PNKP: variants seen among roughly 807,000 people sequenced by gnomAD.
PNKP encodes bifunctional polynucleotide phosphatase/kinase.
Under a neutral mutation model 66.2 loss-of-function variants are expected in PNKP, and 82 were observed. The observed-to-expected ratio is 1.24, with a 90% CI of 1.04 to 1.49. The LOEUF is 1.49. Among genes scored for constraint, PNKP ranks in the 40% most tolerant of loss-of-function variants. The pLI, the probability that PNKP is intolerant of heterozygous loss-of-function variation, is 0.00. For synonymous variants in PNKP, 412 were observed against 298.9 expected (o/e 1.38, Z -3.90); for missense variants, 907 against 706.8 (o/e 1.28, Z -3.21).
chr19:49,861,822 C>A lies in PNKP; in HGVS notation c.1248G>T (p.Gly416=), dbSNP rs2074769458. The part of the protein sequence containing the change: ...VTTCETALKQ[G]KRVAIDNTNP... ...TTGTGTTGTCGATGGCGACCCGTTT[C>A]CCTTGCTTCAGGGCTGTCTCACACG... Residue 416 remains glycine, a synonymous_variant, in exon 14 of 17, where the codon GGG becomes GGT. Transcript: ENST00000322344. 2.5e-6 allele frequency: 4 copies of A among 1,588,676 alleles called. No homozygotes were observed. Among genetic ancestry groups the A allele is most frequent in the Non-Finnish European group, 3.4e-6 (4 of 1,170,208 alleles).
At position 49,865,259 on chromosome 19, in the gene PNKP, G is replaced by T; in HGVS notation, c.366C>A (p.Thr122=). ...TCTTCTCATCTTGGGACACCAGAGG[G>T]GTGCCAGGCGGAGTATCTGGCTGGG... is the stretch of plus-strand genomic sequence containing the variant. ...PESQPDTPPG[T]PLVSQDEKRD... Residue 122 remains threonine (T), a synonymous_variant, in exon 4 of 17, where the codon ACC becomes ACA. Transcript: ENST00000322344. 6.2e-7 allele frequency: 1 copy of T among 1,614,148 alleles called. No individual in the cohort carries two copies. Among genetic ancestry groups the T allele is most frequent in the Non-Finnish European group, 8.5e-7 (1 of 1,179,980 alleles).
At chr19:49,866,182 A>T in intron 3 of PNKP, 1 of 586,394 alleles carries the variant, frequency 1.7e-6, no homozygotes, top group African/African-American at 2.0e-5. Flanking sequence ...CTAATTTTTT[A>T]GAGAGACAGG....
chr19:49,867,492 G>A lies in PNKP; in HGVS notation c.-37C>T, dbSNP rs569096279. 6.2e-6 allele frequency: 3 copies of A among 485,342 alleles called. 1 individual carries two copies. The highest frequency in any genetic ancestry group is 3.6e-5 in the Admixed American group (1 of 28,136). The allele number at this position is 485,342 out of a possible 1,614,324, so 30.1% of individuals were successfully genotyped here. A position where few individuals can be genotyped will look rare whatever the true frequency, so the allele number is the denominator to read the frequency against. Reference sequence around the variant, plus strand: ...ACCCGGGACCGCGGCTTGGGCTCACGGCCACTTCCGACCAGGGAGGTCCTG... The same window carrying A: ...ACCCGGGACCGCGGCTTGGGCTCACAGCCACTTCCGACCAGGGAGGTCCTG... On this transcript the variant is annotated 5_prime_UTR_variant, in exon 1 of 17. Coordinates refer to ENST00000322344, the MANE Select transcript of PNKP (RefSeq NM_007254.4).
rs778733848 is a variant in PNKP at position 49,862,210 on chromosome 19, C to A, written c.1101G>T (p.Val367=). The A allele has an allele frequency of 6.2e-7, 1 of 1,613,520 alleles. No individual in the cohort carries two copies. The highest frequency in any genetic ancestry group is 8.5e-7 in the Non-Finnish European group (1 of 1,179,744). Residue 367 remains valine, a synonymous_variant, in exon 12 of 17, where the codon GTG becomes GTT. Transcript: ENST00000322344. ...CCCCAGGGAATCCCACTGCGACAAC[C>A]ACCTCCGGGCTGGCGCTCAGGAGGG... ...SRALLSASPE[V]VVAVGFPGAG...
At chr19:49,867,302 G>T in intron 1 of PNKP, 85 bp from the exon 2 acceptor site, 1 of 1,385,794 alleles carries the variant, frequency 7.2e-7, no homozygotes, top group Non-Finnish European at 9.8e-7. Context: ...CCACTAGAAA[G>T]TTTCCCCACC....
At chr19:49,863,295 G>A (rs1239005615) in intron 8 of PNKP, among the ~76,000 whole-genome samples, 6 of 152,104 alleles carry the variant, frequency 3.9e-5, no homozygotes, top group Admixed American at 6.5e-5. Context: ...TGCCCACCAC[G>A]GGTGATGCCT....
intron 3 of PNKP, 152 bp from the exon 4 acceptor site, chr19:49,865,578 C>A: frequency 5.4e-6 from 3 of 559,698 alleles, no homozygotes; most frequent in East Asian, 6.3e-5. Flanking sequence ...GGAACGGTTA[C>A]AGGTTTTCAG....
At position 49,861,765 on chromosome 19, in the gene PNKP, A is replaced by ACGCTACCTGG; in HGVS notation, c.1295_1298+6dup. The ACGCTACCTGG allele has an allele frequency of 6.4e-7, 1 of 1,566,764 alleles. No homozygotes were observed. Among genetic ancestry groups the ACGCTACCTGG allele is most frequent in the Non-Finnish European group, 8.6e-7 (1 of 1,156,518 alleles). Reference sequence around the variant, plus strand: ...GCAGGCCACCTACGGCCCCGCGGTCACGCTACCTGGCGCGGCTCGCGGCGT... The same window carrying ACGCTACCTGG: ...GCAGGCCACCTACGGCCCCGCGGTCACGCTACCTGGCGCTACCTGGCGCGGCTCGCGGCGT... On this transcript the variant is annotated splice_region_variant and intron_variant, in intron 14 of 16. Transcript: ENST00000322344.
intron 3 of PNKP, 195 bp from the exon 4 acceptor site, chr19:49,865,621 T>G: frequency 5.1e-6 from 2 of 394,660 alleles, no homozygotes; most frequent in African/African-American, 2.8e-5. Context: ...TTTTTTTTTT[T>G]TTTTCCCCTG....
intron 4 of PNKP, 23 bp downstream of exon 4, chr19:49,865,104 T>C (rs1290649): frequency 6.2e-7 from 1 of 1,607,010 alleles, no homozygotes. Flanking sequence ...GGCGGCTCCC[T>C]CAGCCCTCGG....
chr19:49,861,672 G>C lies in PNKP; in HGVS notation c.1322C>G (p.Ala441Gly), dbSNP rs549000007. The C allele has an allele frequency of 5.4e-4, 839 of 1,547,574 alleles. 12 individuals carry two copies. The South Asian group carries it at 9.3e-3, about 17-fold the overall frequency. The change falls in exon 15 of 17, where the codon GCG becomes GGG. Residue 441 changes from alanine to glycine, a missense_variant. Transcript: ENST00000322344. ...RARYVQCARA[A>G]GVPCRCFLFT... is the part of the protein sequence containing the mutation. ...GAGGAAGCAGCGGCAGGGGACGCCC[G>C]CGGCTCGGGCACACTGGACGTACCT... is the stretch of plus-strand genomic sequence containing the variant.
intron 3 of PNKP, 57 bp downstream of exon 3, chr19:49,866,342 A>T (rs2074820371): frequency 6.6e-7 from 1 of 1,512,712 alleles, no homozygotes; most frequent in Non-Finnish European, 9.2e-7. Context: ...GACGGCTTGC[A>T]ATTCCTCCCC....
chr19:49,863,512 G>C (rs763856345), intron 8 of PNKP, among the ~76,000 whole-genome samples, 177 bp downstream of exon 8: 1 of 152,250 alleles, frequency 6.6e-6, no homozygotes, highest in Non-Finnish European at 1.5e-5. Flanking sequence ...CTCTGATGTA[G>C]AAAGTCTGAA....
chr19:49,861,434 T>C lies in PNKP; in HGVS notation c.1448+15A>G. On this transcript the variant is annotated intron_variant, in intron 16 of 16. Transcript: ENST00000322344. ...CCCAGCCAGTGCCCCTGCCCCCTGC[T>C]ATCCCCAACAGTACCTGTAGCCATA... 6.2e-7 allele frequency: 1 copy of C among 1,614,100 alleles called. No homozygotes were observed. Among genetic ancestry groups the C allele is most frequent in the Non-Finnish European group, 8.5e-7 (1 of 1,179,972 alleles).
At chr19:49,862,311 G>GCCGTCCCCATC (rs1381612134) in intron 11 of PNKP, 30 bp from the exon 12 acceptor site, 1 of 1,545,822 alleles carries the variant, frequency 6.5e-7, no homozygotes, top group East Asian at 2.4e-5. Flanking sequence ...CGCGTGAGAT[G>GCCGTCCCCATC]CCGTCCCCAT....
At chr19:49,865,466 C>A in intron 3 of PNKP, 40 bp from the exon 4 acceptor site, 6 of 1,453,688 alleles carry the variant, frequency 4.1e-6, no homozygotes, top group Non-Finnish European at 5.7e-6. Context: ...GGCTCCGCCC[C>A]CACCGGGAGC....
At position 49,866,354 on chromosome 19, in the gene PNKP, A is replaced by G. The variant is rs201862797; in HGVS notation, c.198+45T>C. On this transcript the variant is annotated intron_variant, in intron 3 of 16. Coordinates refer to ENST00000322344, the MANE Select transcript of PNKP (RefSeq NM_007254.4). The stretch of plus-strand genomic sequence containing the variant: ...ACTGACGGCTTGCAATTCCTCCCCA[A>G]ATCCCATCCCCAGGCCTTGCTGGCC... 170 of 1,577,532 alleles carry G rather than the reference A, an allele frequency of 1.1e-4. 1 individual carries two copies. In the East Asian group the frequency reaches 2.6e-3, roughly 24 times the overall value.
In PNKP at chr19:49,862,388, G is replaced by A; in HGVS notation, c.1012C>T (p.Leu338Phe). ...FLKWPAAGFELPAFDPRTVSR... is the reference protein window; with the variant it reads ...FLKWPAAGFEFPAFDPRTVSR... ...GGCCTCACCGGATCAAAGGCTGGGA[G>A]CTCGAAGCCGGCTGCTGGCCACTTG... The change falls in exon 11 of 17, where the codon CTC becomes TTC. Residue 338 changes from leucine to phenylalanine, a missense_variant. Transcript: ENST00000322344. 6.4e-7 allele frequency: 1 copy of A among 1,553,804 alleles called. No homozygotes were observed. Among genetic ancestry groups the A allele is most frequent in the East Asian group, 2.4e-5 (1 of 41,268 alleles).
rs1033076051 is a variant in PNKP at position 49,866,273 on chromosome 19, T to A, written c.198+126A>T. 1.2e-5 allele frequency: 11 copies of A among 905,644 alleles called. No individual in the cohort carries two copies. The Admixed American group carries it at 1.5e-4, about 13-fold the overall frequency. 56.1% of individuals were successfully genotyped at this position (905,644 alleles called of 1,614,324 possible). A position where few individuals can be genotyped will look rare whatever the true frequency, so the allele number is the denominator to read the frequency against. On this transcript the variant is annotated intron_variant, in intron 3 of 16. Transcript: ENST00000322344. ...CCTCGGCCTCCCAAAGTGCTGGGAT[T>A]ACAGGCTTGAGCCACCACGCCCGGC...
Sources: allele counts gnomAD v4.1 joint callset (sites outside exome capture counted in the v4.1 genomes callset), GRCh38; gene constraint gnomAD v4.1.1; transcripts MANE v1.5; gene names NCBI Gene and HGNC (gene_info 2026-07-23, HGNC 2026-07-21).